The following NRG3 variants were observed in gnomAD, a reference collection of about 807,000 sequenced individuals.
NRG3 encodes the protein neuregulin 3.
A neutral mutation model predicts 66.9 loss-of-function variants in NRG3; 31 were observed. That is an observed-to-expected ratio of 0.46 (90% CI 0.35 to 0.63). NRG3 has a LOEUF of 0.63. Among genes scored for constraint, NRG3 ranks in the 20% least tolerant of loss-of-function variants. The pLI is 0.00. For missense variants in NRG3, 910 were observed against 878.9 expected, an observed-to-expected ratio of 1.04 and a Z score of -0.45; for synonymous variants, 393 against 359.4, an observed-to-expected ratio of 1.09 and a Z score of -1.06.
intron 1 of NRG3, among the ~76,000 whole-genome samples, chr10:81,995,028 G>A (rs2060883962): frequency 6.6e-6 from 1 of 152,018 alleles, no homozygotes; most frequent in African/African-American, 2.4e-5. Context: ...TCTCAGATAT[G>A]TTTTTCGTAT....
chr10:82,378,680 C>T (rs2085418623), intron 2 of NRG3, among the ~76,000 whole-genome samples: 1 of 152,082 alleles, frequency 6.6e-6, no homozygotes, highest in Non-Finnish European at 1.5e-5. Context: ...AAGCGATTCT[C>T]CTGTCTCAGC....
intron 1 of NRG3, among the ~76,000 whole-genome samples, chr10:82,178,760 T>C (rs888950990): frequency 6.6e-6 from 1 of 152,128 alleles, no homozygotes; most frequent in African/African-American, 2.4e-5. Flanking sequence ...TCAATCATAT[T>C]ATAGTTCTAT....
intron 3 of NRG3, among the ~76,000 whole-genome samples, chr10:82,767,985 G>A (rs2059580907): frequency 6.6e-6 from 1 of 151,890 alleles, no homozygotes; most frequent in South Asian, 2.1e-4. Flanking sequence ...CTTGGAGCAG[G>A]CCTTCATTTT....
At chr10:81,975,531 G>A (rs376053822) in intron 1 of NRG3, among the ~76,000 whole-genome samples, 3 of 152,212 alleles carry the variant, frequency 2.0e-5, no homozygotes, top group Admixed American at 6.5e-5. Context: ...GAGTGGGAAA[G>A]TGAGATGGGG....
At chr10:82,057,092 T>C (rs2063880496) in intron 1 of NRG3, among the ~76,000 whole-genome samples, 1 of 152,146 alleles carries the variant, frequency 6.6e-6, no homozygotes, top group East Asian at 1.9e-4. Flanking sequence ...ATCTTTCCAC[T>C]CTATTATCCT....
intron 1 of NRG3, among the ~76,000 whole-genome samples, chr10:82,239,796 T>G (rs888533248): frequency 6.6e-6 from 1 of 152,176 alleles, no homozygotes; most frequent in Admixed American, 6.5e-5. Flanking sequence ...TTGTATCTGC[T>G]GTTAGCTTAG....
chr10:82,836,055 T>C (rs1443297606), intron 3 of NRG3, among the ~76,000 whole-genome samples: 1 of 152,142 alleles, frequency 6.6e-6, no homozygotes, highest in Non-Finnish European at 1.5e-5. Context: ...TTTTAAAAAA[T>C]CAGAATAATA....
chr10:82,491,316 A>ATATAT (rs1389375279), intron 2 of NRG3, among the ~76,000 whole-genome samples: 52 of 136,602 alleles, frequency 3.8e-4, no homozygotes, highest in South Asian at 1.2e-3. Context: ...ATATATATAT[A>ATATAT]AAATAAAGAT....
chr10:81,950,935 A>G (rs936110048), intron 1 of NRG3, among the ~76,000 whole-genome samples: 5 of 151,820 alleles, frequency 3.3e-5, no homozygotes, highest in African/African-American at 1.2e-4. Flanking sequence ...AATTTTTGTA[A>G]ATTGCAATCT....
chr10:82,805,409 A>G (rs144178287), intron 3 of NRG3, among the ~76,000 whole-genome samples: 2 of 152,194 alleles, frequency 1.3e-5, no homozygotes, highest in East Asian at 3.9e-4. Flanking sequence ...AATTCCCTTT[A>G]ATCTTGTCTC....
chr10:82,757,645 T>C (rs1221662432), intron 3 of NRG3, among the ~76,000 whole-genome samples: 1 of 152,094 alleles, frequency 6.6e-6, no homozygotes, highest in African/African-American at 2.4e-5. Flanking sequence ...ATCATTGTCA[T>C]CCTAATGACG....
At chr10:81,975,336 TC>T (rs2060081961) in intron 1 of NRG3, among the ~76,000 whole-genome samples, 1 of 151,510 alleles carries the variant, frequency 6.6e-6, no homozygotes, top group Admixed American at 6.6e-5. Flanking sequence ...TATCTATCTA[TC>T]TATCTATCTA....
At chr10:82,513,533 C>T (rs897494050) in intron 2 of NRG3, among the ~76,000 whole-genome samples, 1 of 152,256 alleles carries the variant, frequency 6.6e-6, no homozygotes, top group African/African-American at 2.4e-5. Context: ...ACTGTCTTTC[C>T]AATGGTTGAA....
At chr10:82,919,263 C>A (rs1472505759) in intron 4 of NRG3, among the ~76,000 whole-genome samples, 1 of 152,102 alleles carries the variant, frequency 6.6e-6, no homozygotes, top group African/African-American at 2.4e-5. Context: ...TACGTGTGCA[C>A]CCTTCTGCAG....
intron 2 of NRG3, among the ~76,000 whole-genome samples, chr10:82,621,195 T>C (rs904910000): frequency 1.3e-5 from 2 of 152,210 alleles, no homozygotes; most frequent in South Asian, 4.1e-4. Flanking sequence ...TTTTCAAGGT[T>C]TTCCTATTGT....
chr10:82,868,173 A>G (rs1187392251), intron 4 of NRG3, among the ~76,000 whole-genome samples: 1 of 152,212 alleles, frequency 6.6e-6, no homozygotes, highest in African/African-American at 2.4e-5. Context: ...ACCAGTCTCC[A>G]TCCTGTTGTG....
At position 82,138,529 on chromosome 10, in the gene NRG3, A is replaced by G. The variant is rs1271122024; in HGVS notation, c.824-220210A>G. ...ATGAAGTGTATTAGTCAGGTTCTCTAGAGGGACAGAACTAATAGGATACAT... is the reference window on the plus strand; with the variant it reads ...ATGAAGTGTATTAGTCAGGTTCTCTGGAGGGACAGAACTAATAGGATACAT... On this transcript the variant is annotated intron_variant, in intron 1 of 8. Transcript: ENST00000372141. Among the ~76,000 whole-genome samples, 6 of 152,286 alleles carry G rather than the reference A, an allele frequency of 3.9e-5. No individual in the cohort carries two copies. The East Asian group carries it at 5.8e-4, about 15-fold the overall frequency.
intron 1 of NRG3, among the ~76,000 whole-genome samples, chr10:81,910,017 TA>T (rs1415885218): frequency 6.6e-6 from 1 of 152,140 alleles, no homozygotes; most frequent in African/African-American, 2.4e-5. Context: ...TATTGCACAC[TA>T]AAAAAGCCCC....
At chr10:82,522,702 TAAA>T (rs78673803) in intron 2 of NRG3, among the ~76,000 whole-genome samples, 2 of 138,604 alleles carry the variant, frequency 1.4e-5, no homozygotes, top group Non-Finnish European at 3.2e-5. Context: ...GCCTGTTTAC[TAAA>T]AAAAAAAAAA....
Sources: gnomAD v4.1 joint callset for allele counts (sites outside exome capture counted in the v4.1 genomes callset) on GRCh38, gnomAD v4.1.1 for gene constraint, MANE v1.5 for transcripts, NCBI Gene and HGNC (gene_info 2026-07-23, HGNC 2026-07-21) for gene names.